The following FAM228B variants were observed in gnomAD, a reference collection of about 807,000 sequenced individuals.
FAM228B encodes the protein protein FAM228B.
In FAM228B, 38 loss-of-function variants were observed where a neutral mutation model predicts 42.6. That is an observed-to-expected ratio of 0.89 (90% CI 0.69 to 1.17). The LOEUF is 1.17. Ranked by LOEUF, FAM228B falls within the 50% of genes most tolerant of loss-of-function variation. The pLI, the probability that FAM228B is intolerant of heterozygous loss-of-function variation, is 0.00. For synonymous variants in FAM228B, 109 were observed against 122.3 expected (o/e 0.89, Z 0.72); for missense variants, 344 against 367.3 (o/e 0.94, Z 0.52).
chr2:24,120,770 G>A (rs1422206564), upstream of FAM228B, among the ~76,000 whole-genome samples: 2 of 151,946 alleles, frequency 1.3e-5, no homozygotes, highest in Non-Finnish European at 2.9e-5. Flanking sequence ...AGCTAGGCTG[G>A]TCTTGAACTC....
chr2:24,147,182 T>C (rs1287512094), intron 7 of FAM228B, 96 bp downstream of exon 7: 1 of 910,208 alleles, frequency 1.1e-6, no homozygotes, highest in East Asian at 2.8e-5. Context: ...TTTTTAAAAT[T>C]ATCATTTTTC....
chr2:24,094,444 C>T (rs1205470850), intron 2 of FAM228B, among the ~76,000 whole-genome samples: 2 of 152,078 alleles, frequency 1.3e-5, no homozygotes, highest in Admixed American at 1.3e-4. Context: ...ATAAGGATTT[C>T]TTATTTCTTT....
At position 24,146,993 on chromosome 2, in the gene FAM228B, C is replaced by T. The variant is rs373243349; in HGVS notation, c.593C>T (p.Pro198Leu). 6.4e-7 allele frequency: 1 copy of T among 1,551,244 alleles called. No homozygotes were observed. Residue 198 changes from proline to leucine, a missense_variant, in exon 7 of 11, where the codon CCA becomes CTA. By Grantham distance (98) the Pro-to-Leu change is moderately conservative. Coordinates refer to ENST00000615575, the MANE Select transcript of FAM228B (RefSeq NM_001145710.2). ...VEKVQLHSRF[P>L]QISNSRHFIT... The stretch of plus-strand genomic sequence containing the variant: ...AAGGTTCAGCTGCATTCCAGATTCC[C>T]ACAAATTTCTAATTCAAGGCACTTT...
At chr2:24,099,634 G>C (rs759893540) in intron 3 of FAM228B, among the ~76,000 whole-genome samples, 1 of 152,128 alleles carries the variant, frequency 6.6e-6, no homozygotes, top group Non-Finnish European at 1.5e-5. Flanking sequence ...CAAACAAATG[G>C]AAGAATATTT....
At chr2:24,090,216 C>T (rs1229137714) in intron 2 of FAM228B, among the ~76,000 whole-genome samples, 3 of 151,952 alleles carry the variant, frequency 2.0e-5, no homozygotes, top group Non-Finnish European at 4.4e-5. Flanking sequence ...TGCAGTGAGC[C>T]GAGATTGCGC....
chr2:24,157,138 G>C (rs1361669396), intron 7 of FAM228B, among the ~76,000 whole-genome samples: 5 of 152,116 alleles, frequency 3.3e-5, no homozygotes, highest in African/African-American at 1.2e-4. Flanking sequence ...TGGTTTTGAG[G>C]GTTCCTTTTG....
At chr2:24,148,972 T>A (rs569432997) in intron 7 of FAM228B, among the ~76,000 whole-genome samples, 1 of 152,350 alleles carries the variant, frequency 6.6e-6, no homozygotes, top group African/African-American at 2.4e-5. Context: ...AGTGATAACA[T>A]ATGATGTTTG....
intron 2 of FAM228B, among the ~76,000 whole-genome samples, chr2:24,092,966 A>C (rs1405351249): frequency 6.8e-6 from 1 of 146,398 alleles, no homozygotes; most frequent in African/African-American, 2.6e-5. Context: ...ACACACACAC[A>C]CCATGTACAG....
intron 7 of FAM228B, among the ~76,000 whole-genome samples, chr2:24,156,359 G>A (rs1222026442): frequency 8.6e-5 from 13 of 151,976 alleles, no homozygotes; most frequent in South Asian, 2.1e-4. Flanking sequence ...CTGGCCAGGC[G>A]TGGTGGCTCA....
At chr2:24,164,081 A>G (rs1667341508) in intron 8 of FAM228B, 117 bp from the exon 9 acceptor site, 2 of 987,084 alleles carry the variant, frequency 2.0e-6, no homozygotes, top group Non-Finnish European at 2.8e-6. Context: ...GTTTATTTTC[A>G]TAAAAATACA....
chr2:24,155,396 T>C (rs1667110719), intron 7 of FAM228B, among the ~76,000 whole-genome samples: 1 of 151,018 alleles, frequency 6.6e-6, no homozygotes, highest in Non-Finnish European at 1.5e-5. Context: ...TCTAGCCTTA[T>C]GGGGGCTGGC....
chr2:24,082,894 G>C, intron 2 of FAM228B: 1 of 1,606,392 alleles, frequency 6.2e-7, no homozygotes, highest in Non-Finnish European at 8.5e-7. Flanking sequence ...CCCACAAGAT[G>C]TAACAGCTGG....
chr2:24,167,627 G>A lies in FAM228B; in HGVS notation c.933G>A (p.Gly311=). 1.3e-6 allele frequency: 2 copies of A among 1,551,530 alleles called. No individual in the cohort carries two copies. Among genetic ancestry groups the A allele is most frequent in the African/African-American group, 1.4e-5 (1 of 73,052 alleles). ...ACCAAAGCTTCAATCTTCATTTAAG[G>A]TCTCCCTCCCCGCGTTTGGGGCTGC... ...LSQEREEDQD[G]SPSPRLGLLK... is the part of the protein sequence containing the mutation. Residue 311 remains glycine, a splice_region_variant and synonymous_variant, in exon 10 of 11, where the codon GGG becomes GGA. Coordinates refer to ENST00000615575, the MANE Select transcript of FAM228B (RefSeq NM_001145710.2).
intron 2 of FAM228B, among the ~76,000 whole-genome samples, chr2:24,089,673 C>T (rs1444971940): frequency 6.6e-6 from 1 of 152,116 alleles, no homozygotes; most frequent in African/African-American, 2.4e-5. Flanking sequence ...TTGGGACCAG[C>T]CTAGCAGAGT....
intron 2 of FAM228B, among the ~76,000 whole-genome samples, chr2:24,127,009 A>G (rs1345010232): frequency 6.6e-6 from 1 of 151,996 alleles, no homozygotes; most frequent in Non-Finnish European, 1.5e-5. Context: ...GTTTTTTAGT[A>G]TATTCACAAA....
chr2:24,083,486 C>T (rs978419061), intron 2 of FAM228B, among the ~76,000 whole-genome samples: 17 of 152,110 alleles, frequency 1.1e-4, no homozygotes, highest in African/African-American at 2.7e-4. Flanking sequence ...ATGCATCAAG[C>T]GCTAGGCTCT....
intron 7 of FAM228B, among the ~76,000 whole-genome samples, chr2:24,160,042 G>C (rs1667251955): frequency 2.0e-5 from 3 of 149,994 alleles, no homozygotes; most frequent in African/African-American, 7.4e-5. Context: ...AGAGTGGAGT[G>C]CAGTGGCGTG....
At chr2:24,134,593 G>A (rs7589717) in intron 2 of FAM228B, among the ~76,000 whole-genome samples, 46,925 of 152,110 alleles carry the variant, frequency 0.31, 7,662 homozygotes, top group South Asian at 0.43. Flanking sequence ...GGGACTCAAA[G>A]TGTCTGTGAG....
intron 2 of FAM228B, among the ~76,000 whole-genome samples, chr2:24,127,100 C>T (rs1327976241): frequency 6.6e-6 from 1 of 152,004 alleles, no homozygotes; most frequent in Non-Finnish European, 1.5e-5. Flanking sequence ...TAGCAGTCAC[C>T]CCCCATTCCC....
Sources: gnomAD v4.1 joint callset for allele counts (sites outside exome capture counted in the v4.1 genomes callset) on GRCh38, gnomAD v4.1.1 for gene constraint, MANE v1.5 for transcripts, NCBI Gene and HGNC (gene_info 2026-07-23, HGNC 2026-07-21) for gene names.